Variants in FARP2 observed in about 807,000 individuals in gnomAD.
The protein encoded by FARP2 is FERM, ARH/RhoGEF and pleckstrin domain protein 2.
A neutral mutation model predicts 130.5 loss-of-function variants in FARP2; 111 were observed. That is an observed-to-expected ratio of 0.85 (90% CI 0.73 to 1.00). FARP2 has a LOEUF of 1.00. FARP2 is among the 50% of genes least tolerant of loss of function. The pLI, the probability that FARP2 is intolerant of heterozygous loss-of-function variation, is 0.00. For synonymous variants in FARP2, 504 were observed against 516.9 expected, an observed-to-expected ratio of 0.98 and a Z score of 0.34; for missense variants, 1,385 against 1,346.3, an observed-to-expected ratio of 1.03 and a Z score of -0.45.
intron 2 of FARP2, among the ~76,000 whole-genome samples, chr2:241,392,161 G>A (rs999291591): frequency 1.3e-5 from 2 of 152,226 alleles, no homozygotes; most frequent in Non-Finnish European, 2.9e-5. Flanking sequence ...CCCACCAGTG[G>A]GACCGGAATG....
At position 241,373,242 on chromosome 2, in the gene FARP2, C is replaced by T. The variant is rs1381347688; in HGVS notation, c.135C>T (p.His45=). The T allele has an allele frequency of 1.3e-6, 2 of 1,546,540 alleles. No homozygotes were observed. Among genetic ancestry groups the T allele is most frequent in the Non-Finnish European group, 1.8e-6 (2 of 1,139,860 alleles). ...LLPRMQEKHL[H]LRVKLLDNTM... ...CCAGAATGCAAGAGAAGCACCTGCA[C>T]CTCAGAGTAAAGCTGCTGGACAACA... Residue 45 remains histidine (H), a synonymous_variant, in exon 2 of 27, where the codon CAC becomes CAT. Transcript: ENST00000264042.
intron 4 of FARP2, chr2:241,405,180 A>T: frequency 5.2e-6 from 1 of 193,268 alleles, no homozygotes; most frequent in Non-Finnish European, 1.1e-5. Flanking sequence ...AAAATAGTTG[A>T]TACTGTTTTA....
At chr2:241,399,700 G>A (rs909921564) in intron 2 of FARP2, among the ~76,000 whole-genome samples, 3 of 152,156 alleles carry the variant, frequency 2.0e-5, no homozygotes. Context: ...ACAGAAGGTT[G>A]TAATATTCAG....
At chr2:241,386,400 A>G (rs1272988750) in intron 2 of FARP2, among the ~76,000 whole-genome samples, 1 of 152,184 alleles carries the variant, frequency 6.6e-6, no homozygotes, top group Non-Finnish European at 1.5e-5. Context: ...CTCCCCGCTC[A>G]GCAGTGGATT....
chr2:241,463,676 AT>A, intron 16 of FARP2: 1 of 693,580 alleles, frequency 1.4e-6, no homozygotes, highest in Non-Finnish European at 2.4e-6. Context: ...CAAGTTAAAA[AT>A]GGAAGATCCC....
intron 2 of FARP2, among the ~76,000 whole-genome samples, chr2:241,373,963 T>C (rs2061479613): frequency 1.3e-5 from 2 of 152,180 alleles, no homozygotes; most frequent in East Asian, 1.9e-4. Context: ...AAAACATTTT[T>C]TTGTTTTTCT....
intron 13 of FARP2, 107 bp downstream of exon 13, chr2:241,441,663 C>A (rs771981639): frequency 5.4e-6 from 8 of 1,477,288 alleles, no homozygotes; most frequent in Non-Finnish European, 7.6e-6. Flanking sequence ...GGGAGCTCAG[C>A]GCTGCTTGTA....
In FARP2 at chr2:241,468,176, C is replaced by A; in HGVS notation, c.1930C>A (p.Leu644Ile). ...CTACTTCCAAAGACATGACGAGGTC[C>A]TAACAGAACTGGAAAAGGCTACCAA... ...TSYFQRHDEV[L>I]TELEKATKRC... The change falls in exon 18 of 27, where the codon CTA (leucine) becomes ATA (isoleucine). Residue 644 changes from leucine (L) to isoleucine (I), a missense_variant. Leu to Ile is a conservative substitution (Grantham distance 5, BLOSUM62 2). Coordinates refer to ENST00000264042, the MANE Select transcript of FARP2 (RefSeq NM_014808.4). 6.2e-7 allele frequency: 1 copy of A among 1,614,054 alleles called. No individual in the cohort carries two copies. Among genetic ancestry groups the A allele is most frequent in the Non-Finnish European group, 8.5e-7 (1 of 1,179,956 alleles).
chr2:241,436,803 G>A (rs369130942), intron 12 of FARP2, among the ~76,000 whole-genome samples: 10 of 152,120 alleles, frequency 6.6e-5, no homozygotes, highest in Admixed American at 2.0e-4. Flanking sequence ...TGGGCAACAT[G>A]GCAAAATCTT....
chr2:241,417,030 G>A (rs555419350), intron 7 of FARP2, among the ~76,000 whole-genome samples: 39 of 152,344 alleles, frequency 2.6e-4, no homozygotes, highest in South Asian at 4.1e-4. Flanking sequence ...GCCGGGCGCA[G>A]TGGCTCTCGC....
At chr2:241,465,840 G>T in intron 17 of FARP2, 2 of 1,531,816 alleles carry the variant, frequency 1.3e-6, no homozygotes, top group Non-Finnish European at 1.8e-6. Flanking sequence ...CACACCTAGA[G>T]TTCCCAAGGG....
chr2:241,433,807 C>G (rs1030185214), intron 9 of FARP2, among the ~76,000 whole-genome samples: 22 of 152,306 alleles, frequency 1.4e-4, no homozygotes, highest in African/African-American at 4.8e-4. Flanking sequence ...GGGCAGATCA[C>G]TTGGGCTCAG....
intron 12 of FARP2, 30 bp downstream of exon 12, chr2:241,436,568 A>G (rs1475311468): frequency 8.2e-6 from 13 of 1,589,832 alleles, no homozygotes; most frequent in Non-Finnish European, 1.0e-5. Context: ...ACATGGGGGC[A>G]GTAGGAGTTC....
intron 13 of FARP2, among the ~76,000 whole-genome samples, chr2:241,453,581 C>T (rs2063742716): frequency 6.6e-6 from 1 of 150,526 alleles, no homozygotes; most frequent in African/African-American, 2.4e-5. Context: ...GAGATCGTGT[C>T]ACTGCACTCC....
intron 5 of FARP2, among the ~76,000 whole-genome samples, chr2:241,410,104 G>T (rs1000505788): frequency 1.2e-4 from 19 of 152,072 alleles, no homozygotes; most frequent in African/African-American, 4.6e-4. Flanking sequence ...CGTAATTCAC[G>T]CTCAGTAATT....
At chr2:241,423,605 A>G (rs542349411) in intron 8 of FARP2, among the ~76,000 whole-genome samples, 40 of 152,384 alleles carry the variant, frequency 2.6e-4, no homozygotes, top group Admixed American at 7.2e-4. Flanking sequence ...AAATTCACAT[A>G]TAACAATATT....
Position 241,493,478 on chromosome 2 carries a change from C to T in FARP2, c.3047+34C>T, listed in dbSNP as rs1347669395. ...GCAGGAGGCAGCCCTGGTCAGCTGCCCATTTCGATGTCCGCTCAGCTCCCA... is the reference window on the plus strand; with the variant it reads ...GCAGGAGGCAGCCCTGGTCAGCTGCTCATTTCGATGTCCGCTCAGCTCCCA... On this transcript the variant is annotated intron_variant, in intron 26 of 26. Transcript: ENST00000264042. 5 of 1,605,120 alleles carry T rather than the reference C, an allele frequency of 3.1e-6. No individual in the cohort carries two copies. In the African/African-American group the frequency reaches 4.0e-5, roughly 13 times the overall value.
At chr2:241,463,620 A>C (rs2064087297) in intron 16 of FARP2, 152 bp downstream of exon 16, 2 of 836,498 alleles carry the variant, frequency 2.4e-6, no homozygotes, top group South Asian at 3.5e-5. Context: ...TACAGATGTA[A>C]TAATACCCTT....
chr2:241,415,989 C>CTCTGTGTGTGTGTGTGTGTG (rs764755388), intron 7 of FARP2, among the ~76,000 whole-genome samples: 1 of 141,714 alleles, frequency 7.1e-6, no homozygotes, highest in Non-Finnish European at 1.5e-5. Flanking sequence ...CAGGGTAGTT[C>CTCTGTGTGTGTGTGTGTGTG]TGTGTGTGTG....
Sources: gnomAD v4.1 joint callset for allele counts (sites outside exome capture counted in the v4.1 genomes callset) on GRCh38, gnomAD v4.1.1 for gene constraint, MANE v1.5 for transcripts, NCBI Gene and HGNC (gene_info 2026-07-23, HGNC 2026-07-21) for gene names.